The following ZFPM2 variants were observed in gnomAD, a reference collection of about 807,000 sequenced individuals.
ZFPM2 encodes the protein zinc finger protein, FOG family member 2.
In ZFPM2, 20 loss-of-function variants were observed where a neutral mutation model predicts 98.6. The observed-to-expected ratio is 0.20, with a 90% CI of 0.14 to 0.29. The LOEUF (loss-of-function observed/expected upper bound fraction) is 0.29. Ranked by LOEUF, ZFPM2 falls within the 10% of genes least tolerant of loss-of-function variation. ZFPM2 has a pLI of 1.00. For synonymous variants in ZFPM2, 518 were observed against 502.7 expected (o/e 1.03, Z -0.41); for missense variants, 1,310 against 1,388.6 (o/e 0.94, Z 0.90).
At chr8:105,684,332 A>T (rs187109273) in intron 5 of ZFPM2, among the ~76,000 whole-genome samples, 1 of 152,236 alleles carries the variant, frequency 6.6e-6, no homozygotes, top group African/African-American at 2.4e-5. Context: ...ATAGCCATGT[A>T]TATTTTTTTA....
chr8:105,507,131 A>G (rs1813719719), intron 3 of ZFPM2, among the ~76,000 whole-genome samples: 2 of 152,216 alleles, frequency 1.3e-5, no homozygotes, highest in South Asian at 4.1e-4. Flanking sequence ...ATGTTTTGTT[A>G]TTAATAAGAT....
intron 1 of ZFPM2, among the ~76,000 whole-genome samples, chr8:105,345,033 T>C (rs1387729280): frequency 6.6e-6 from 1 of 152,206 alleles, no homozygotes; most frequent in Non-Finnish European, 1.5e-5. Context: ...ATATTATTCC[T>C]ATGGCAAAGG....
intron 5 of ZFPM2, among the ~76,000 whole-genome samples, chr8:105,652,055 C>T (rs1194524065): frequency 6.6e-6 from 1 of 151,930 alleles, no homozygotes; most frequent in Non-Finnish European, 1.5e-5. Context: ...TACATAGATG[C>T]AAAAGATGTT....
chr8:105,770,083 G>A (rs2131089038), intron 5 of ZFPM2, among the ~76,000 whole-genome samples: 1 of 151,962 alleles, frequency 6.6e-6, no homozygotes, highest in East Asian at 1.9e-4. Context: ...AGAAGAGATA[G>A]CAGACTGATC....
At chr8:105,592,141 A>C (rs1425277932) in intron 4 of ZFPM2, among the ~76,000 whole-genome samples, 1 of 152,114 alleles carries the variant, frequency 6.6e-6, no homozygotes, top group Non-Finnish European at 1.5e-5. Flanking sequence ...TGTCATTTGG[A>C]TAAGAAAGGA....
intron 3 of ZFPM2, among the ~76,000 whole-genome samples, chr8:105,521,132 TAC>T (rs10532108): frequency 0.37 from 54,424 of 148,264 alleles, 10,942 homozygotes; most frequent in African/African-American, 0.55. Context: ...TATATATATA[TAC>T]ACACACACAC....
At chr8:105,745,971 C>T (rs1341997241) in intron 5 of ZFPM2, among the ~76,000 whole-genome samples, 8 of 151,952 alleles carry the variant, frequency 5.3e-5, no homozygotes, top group Non-Finnish European at 8.8e-5. Context: ...TGTTGTTCAC[C>T]ATGTTGCCAA....
chr8:105,697,060 G>C (rs998600780), intron 5 of ZFPM2, among the ~76,000 whole-genome samples: 1 of 152,130 alleles, frequency 6.6e-6, no homozygotes. Context: ...CCAATTTTCT[G>C]TGAACACATG....
intron 1 of ZFPM2, among the ~76,000 whole-genome samples, chr8:105,382,199 A>G (rs1291065479): frequency 2.0e-5 from 3 of 151,936 alleles, no homozygotes; most frequent in Non-Finnish European, 4.4e-5. Context: ...TACTTCTATT[A>G]TTTCTATCTG....
At chr8:105,788,362 A>T (rs754167870) in intron 5 of ZFPM2, among the ~76,000 whole-genome samples, 1 of 152,228 alleles carries the variant, frequency 6.6e-6, no homozygotes, top group Non-Finnish European at 1.5e-5. Context: ...AAATTTCAGC[A>T]GTTGGGTCTC....
At chr8:105,483,002 C>CCTTCCTTT (rs1554609778) in intron 3 of ZFPM2, among the ~76,000 whole-genome samples, 4 of 109,748 alleles carry the variant, frequency 3.6e-5, no homozygotes, top group Admixed American at 3.2e-4. Flanking sequence ...TCCTTTCCTT[C>CCTTCCTTT]CTTCCTTCCT....
chr8:105,635,181 T>C (rs1023949532), intron 5 of ZFPM2, among the ~76,000 whole-genome samples: 1 of 152,190 alleles, frequency 6.6e-6, no homozygotes, highest in Non-Finnish European at 1.5e-5. Flanking sequence ...TCTCTTGGCT[T>C]TCTTTTTAAA....
intron 5 of ZFPM2, among the ~76,000 whole-genome samples, chr8:105,722,487 T>TAAAA (rs1226812887): frequency 6.6e-6 from 1 of 151,940 alleles, no homozygotes; most frequent in Non-Finnish European, 1.5e-5. Flanking sequence ...ACTGATAACC[T>TAAAA]ACTATTGACC....
intron 3 of ZFPM2, among the ~76,000 whole-genome samples, chr8:105,488,326 C>G (rs753516855): frequency 6.6e-6 from 1 of 152,136 alleles, no homozygotes; most frequent in Non-Finnish European, 1.5e-5. Flanking sequence ...TTTTGTTGTT[C>G]CATTATCTTC....
At chr8:105,451,499 T>A (rs926667089) in intron 3 of ZFPM2, 1 of 152,190 alleles carries the variant, frequency 6.6e-6, no homozygotes, top group Non-Finnish European at 1.5e-5. Flanking sequence ...TTGGTTAAGA[T>A]GAGGTCATGG....
At chr8:105,324,861 T>G (rs2130652246) in intron 1 of ZFPM2, among the ~76,000 whole-genome samples, 1 of 152,040 alleles carries the variant, frequency 6.6e-6, no homozygotes, top group South Asian at 2.1e-4. Flanking sequence ...TAGAGAAAGT[T>G]TTTTGATGTT....
At chr8:105,759,525 C>G (rs1456828244) in intron 5 of ZFPM2, among the ~76,000 whole-genome samples, 1 of 151,860 alleles carries the variant, frequency 6.6e-6, no homozygotes, top group Non-Finnish European at 1.5e-5. Context: ...AAAACTCTTA[C>G]AGCAAGTGAT....
At chr8:105,577,886 T>C (rs1477707720) in intron 4 of ZFPM2, among the ~76,000 whole-genome samples, 1 of 152,052 alleles carries the variant, frequency 6.6e-6, no homozygotes, top group Non-Finnish European at 1.5e-5. Context: ...TCTGTGAGCA[T>C]AAATTATTGA....
In ZFPM2 at chr8:105,604,783, C is replaced by A. The variant is rs1816164322; in HGVS notation, c.421-29463C>A. Among the ~76,000 whole-genome samples the A allele has an allele frequency of 2.6e-5, 4 of 152,064 alleles. No individual in the cohort carries two copies. The South Asian group carries it at 8.3e-4, about 31-fold the overall frequency. The stretch of plus-strand genomic sequence containing the variant: ...TCTGGACGAACTTAAACAGATCAAG[C>A]AAACAAGACTCTGTTATTGTCTCTT... On this transcript the variant is annotated intron_variant, in intron 4 of 7. Coordinates refer to ENST00000407775, the MANE Select transcript of ZFPM2 (RefSeq NM_012082.4).
Sources: gnomAD v4.1 joint callset for allele counts (sites outside exome capture counted in the v4.1 genomes callset) on GRCh38, gnomAD v4.1.1 for gene constraint, MANE v1.5 for transcripts, NCBI Gene and HGNC (gene_info 2026-07-23, HGNC 2026-07-21) for gene names.